TRIM24: variants seen among roughly 807,000 people sequenced by gnomAD.
The protein encoded by TRIM24 is tripartite motif containing 24.
A neutral mutation model predicts 123.9 loss-of-function variants in TRIM24; 29 were observed. That is an observed-to-expected ratio of 0.23 (90% CI 0.17 to 0.32). The LOEUF (loss-of-function observed/expected upper bound fraction) is 0.32. Ranked by LOEUF, TRIM24 falls within the 10% of genes least tolerant of loss-of-function variation. The pLI is 1.00. For missense variants in TRIM24, 932 were observed against 1,295.3 expected, an observed-to-expected ratio of 0.72 and a Z score of 4.31; for synonymous variants, 456 against 461.1, an observed-to-expected ratio of 0.99 and a Z score of 0.14.
chr7:138,539,579 C>A (rs956501788), intron 7 of TRIM24, among the ~76,000 whole-genome samples: 6 of 151,946 alleles, frequency 3.9e-5, no homozygotes, highest in African/African-American at 1.5e-4. Flanking sequence ...TTACATTAAT[C>A]TTATTAAAGA....
At chr7:138,534,258 TTTGAATTTGTTTGCTC>T (rs1378384295) in intron 6 of TRIM24, among the ~76,000 whole-genome samples, 2 of 152,200 alleles carry the variant, frequency 1.3e-5, no homozygotes, top group Non-Finnish European at 2.9e-5. Context: ...TCTGCTAGCT[TTTGAATTTGTTTGCTC>T]TTGCTTCTCT....
intron 15 of TRIM24, among the ~76,000 whole-genome samples, 198 bp from the exon 16 acceptor site, chr7:138,580,364 G>C (rs1373810446): frequency 6.6e-6 from 1 of 151,956 alleles, no homozygotes; most frequent in African/African-American, 2.4e-5. Context: ...TGTTTGTTAG[G>C]CCCTTGCATT....
intron 7 of TRIM24, among the ~76,000 whole-genome samples, chr7:138,546,338 A>G (rs1045401809): frequency 6.6e-6 from 1 of 152,230 alleles, no homozygotes; most frequent in African/African-American, 2.4e-5. Flanking sequence ...CATCAGGGAC[A>G]TGAACGAAAG....
intron 5 of TRIM24, among the ~76,000 whole-genome samples, chr7:138,527,767 C>T (rs1584719909): frequency 6.6e-6 from 1 of 152,212 alleles, no homozygotes; most frequent in South Asian, 2.1e-4. Context: ...GTTTTTCTTT[C>T]TGTAAGAGTG....
At chr7:138,537,642 A>C (rs573949572) in intron 6 of TRIM24, among the ~76,000 whole-genome samples, 2 of 152,214 alleles carry the variant, frequency 1.3e-5, no homozygotes, top group South Asian at 4.1e-4. Flanking sequence ...ATTTTTACAG[A>C]GGTCAAAAAT....
At chr7:138,506,150 T>C (rs145743464) in intron 2 of TRIM24, among the ~76,000 whole-genome samples, 1 of 152,370 alleles carries the variant, frequency 6.6e-6, no homozygotes, top group East Asian at 1.9e-4. Flanking sequence ...ACATAGCTAC[T>C]ACTGACTAAA....
chr7:138,550,207 T>G (rs111709495), intron 7 of TRIM24, among the ~76,000 whole-genome samples: 29 of 152,260 alleles, frequency 1.9e-4, no homozygotes, highest in African/African-American at 6.7e-4. Flanking sequence ...TCAGTTCAAT[T>G]ATATTCAGGC....
At chr7:138,580,115 C>T (rs962407720) in intron 15 of TRIM24, among the ~76,000 whole-genome samples, 11 of 152,096 alleles carry the variant, frequency 7.2e-5, no homozygotes, top group African/African-American at 2.7e-4. Context: ...ATCATCATGA[C>T]CAAGATGGTT....
intron 1 of TRIM24, among the ~76,000 whole-genome samples, chr7:138,499,515 T>A (rs751379122): frequency 2.6e-5 from 4 of 152,186 alleles, no homozygotes; most frequent in Non-Finnish European, 4.4e-5. Context: ...GTCTCTTGTC[T>A]GTGGATCGCA....
At position 138,585,151 on chromosome 7, in the gene TRIM24, T is replaced by A; in HGVS notation, c.*200T>A. 2.5e-6 allele frequency: 1 copy of A among 394,426 alleles called. No individual in the cohort carries two copies. The highest frequency in any genetic ancestry group is 4.4e-6 in the Non-Finnish European group (1 of 224,820). The allele number at this position is 394,426 out of a possible 1,614,324, so 24.4% of individuals were successfully genotyped here. A position where few individuals can be genotyped will look rare whatever the true frequency, so the allele number is the denominator to read the frequency against. ...CTAAGAAAGAAAGGAAAGAAGGAGA[T>A]GAATAGAAGAAAGAAAATGGAAAGA... On this transcript the variant is annotated 3_prime_UTR_variant, in exon 19 of 19. Coordinates refer to ENST00000343526, the MANE Select transcript of TRIM24 (RefSeq NM_015905.3).
chr7:138,463,090 A>C (rs1795048783), intron 1 of TRIM24, among the ~76,000 whole-genome samples: 1 of 111,280 alleles, frequency 9.0e-6, no homozygotes, highest in Non-Finnish European at 1.7e-5. Context: ...GGGTTACTCC[A>C]TGTTGGTCAG....
At chr7:138,547,567 A>T (rs1349607312) in intron 7 of TRIM24, among the ~76,000 whole-genome samples, 1 of 152,160 alleles carries the variant, frequency 6.6e-6, no homozygotes, top group Non-Finnish European at 1.5e-5. Context: ...TAAAACAATT[A>T]TTAAATTTTA....
intron 14 of TRIM24, among the ~76,000 whole-genome samples, chr7:138,578,404 A>T (rs1797811691): frequency 6.6e-6 from 1 of 152,238 alleles, no homozygotes; most frequent in South Asian, 2.1e-4. Context: ...AACCAGTACA[A>T]GACAAATACT....
At chr7:138,553,902 G>A (rs1335226297) in intron 8 of TRIM24, among the ~76,000 whole-genome samples, 1 of 152,170 alleles carries the variant, frequency 6.6e-6, no homozygotes, top group African/African-American at 2.4e-5. Flanking sequence ...GCCAGTGAAT[G>A]AGACACAGGG....
intron 1 of TRIM24, chr7:138,461,134 GCGCCGCCGC>G (rs752059768): frequency 1.3e-5 from 9 of 694,476 alleles, no homozygotes; most frequent in South Asian, 2.9e-5. Context: ...GGACTTGACC[GCGCCGCCGC>G]CGCCGCCGCT....
chr7:138,557,282 C>T (rs565265526), intron 9 of TRIM24, among the ~76,000 whole-genome samples: 51 of 152,200 alleles, frequency 3.4e-4, no homozygotes, highest in Admixed American at 6.5e-4. Context: ...TTTTTAATTT[C>T]GGCTTCATTC....
At position 138,589,149 on chromosome 7, in the gene TRIM24, A is replaced by G. The variant is rs1798065608; in HGVS notation, c.*4198A>G. ...AAATTAATAGTTGATGTCTTTTTAT[A>G]AATGTTTATTGCATATTCATCTTGA... is the stretch of plus-strand genomic sequence containing the variant. On this transcript the variant is annotated 3_prime_UTR_variant, in exon 19 of 19. Coordinates refer to ENST00000343526, the MANE Select transcript of TRIM24 (RefSeq NM_015905.3). 1 of 152,172 alleles carries G rather than the reference A, an allele frequency of 6.6e-6. No individual in the cohort carries two copies. The highest frequency in any genetic ancestry group is 6.5e-5 in the Admixed American group (1 of 15,276). The allele number at this position is 152,172 out of a possible 1,614,324, so 9.4% of individuals were successfully genotyped here. A position where few individuals can be genotyped will look rare whatever the true frequency, so the allele number is the denominator to read the frequency against.
chr7:138,557,057 T>C (rs1380079469), intron 9 of TRIM24, among the ~76,000 whole-genome samples: 1 of 152,242 alleles, frequency 6.6e-6, no homozygotes, highest in Non-Finnish European at 1.5e-5. Context: ...CAGGAGCTTA[T>C]AAAACCTGGA....
In TRIM24 at chr7:138,579,394, G is replaced by A; in HGVS notation, c.2447G>A (p.Gly816Glu). ...DPSQKSPLHV[G>E]ETRKEDDPNE... Reference sequence around the variant, plus strand: ...TCCCAGAAGTCACCTCTTCATGTTGGAGAGACAAGGAAAGAGGATGACCCC... The same window carrying A: ...TCCCAGAAGTCACCTCTTCATGTTGAAGAGACAAGGAAAGAGGATGACCCC... Residue 816 changes from glycine (G) to glutamate (E), a missense_variant, in exon 15 of 19, where the codon GGA (glycine) becomes GAA (glutamate). Gly to Glu is a moderately conservative substitution (Grantham distance 98). This residue lies in a region of TRIM24 where 527 missense variants were observed against 691.3 expected (regional missense o/e 0.76). Transcript: ENST00000343526. The A allele has an allele frequency of 6.2e-7, 1 of 1,614,088 alleles. No individual in the cohort carries two copies. Among genetic ancestry groups the A allele is most frequent in the Non-Finnish European group, 8.5e-7 (1 of 1,180,004 alleles).
Sources: allele counts gnomAD v4.1 joint callset (sites outside exome capture counted in the v4.1 genomes callset), GRCh38; gene constraint gnomAD v4.1.1; regional missense constraint gnomAD v4.1.1; transcripts MANE v1.5; gene names NCBI Gene and HGNC (gene_info 2026-07-23, HGNC 2026-07-21).